The following PRPF18 variants were observed in gnomAD, a reference collection of about 807,000 sequenced individuals.
PRPF18 encodes the protein pre-mRNA-splicing factor 18.
Under a neutral mutation model 46.5 loss-of-function variants are expected in PRPF18, and 38 were observed. The observed-to-expected ratio is 0.82, with a 90% CI of 0.63 to 1.07. PRPF18 has a LOEUF of 1.07. Ranked by LOEUF, PRPF18 falls within the 50% of genes least tolerant of loss-of-function variation. PRPF18 has a pLI of 0.00. For synonymous variants in PRPF18, 152 were observed against 146.7 expected (o/e 1.04, Z -0.26); for missense variants, 263 against 410.0 (o/e 0.64, Z 3.10).
At chr10:13,613,700 T>A in intron 6 of PRPF18, 41 bp from the exon 7 acceptor site, 1 of 1,594,396 alleles carries the variant, frequency 6.3e-7, no homozygotes, top group Non-Finnish European at 8.5e-7. Context: ...ACTGAACCAC[T>A]GGGTGGCATT....
At chr10:13,595,333 A>G (rs1239917380) in intron 1 of PRPF18, among the ~76,000 whole-genome samples, 1 of 152,268 alleles carries the variant, frequency 6.6e-6, no homozygotes, top group African/African-American at 2.4e-5. Flanking sequence ...AGACATGGTC[A>G]TCAAAGATAA....
At position 13,630,391 on chromosome 10, in the gene PRPF18, G is replaced by A; in HGVS notation, c.*51G>A. ...AATAAGAAACTTAGGGAAGCAGGCTGTGGACTTCTGGAATTACCAACAGGA... is the reference window on the plus strand; with the variant it reads ...AATAAGAAACTTAGGGAAGCAGGCTATGGACTTCTGGAATTACCAACAGGA... On this transcript the variant is annotated 3_prime_UTR_variant, in exon 10 of 10. Transcript: ENST00000378572. 1.4e-6 allele frequency: 2 copies of A among 1,435,982 alleles called. No homozygotes were observed. Among genetic ancestry groups the A allele is most frequent in the Non-Finnish European group, 1.9e-6 (2 of 1,028,942 alleles). The allele number at this position is 1,435,982 out of a possible 1,614,324, so 89.0% of individuals were successfully genotyped here. A position where few individuals can be genotyped will look rare whatever the true frequency, so the allele number is the denominator to read the frequency against.
the PRPF18 span, among the ~76,000 whole-genome samples, chr10:13,650,322 T>C: frequency 6.6e-6 from 1 of 152,198 alleles, no homozygotes; most frequent in Non-Finnish European, 1.5e-5. Flanking sequence ...GATGAGGCCC[T>C]CTAGAGGCAT....
At position 13,628,825 on chromosome 10, in the gene PRPF18, T is replaced by C. The variant is rs2080549180; in HGVS notation, c.949-1435T>C. 2.0e-5 allele frequency among the ~76,000 whole-genome samples: 3 copies of C among 152,240 alleles called. No individual in the cohort carries two copies. The South Asian group carries it at 6.2e-4, about 31-fold the overall frequency. On this transcript the variant is annotated intron_variant, in intron 9 of 9. Coordinates refer to ENST00000378572, the MANE Select transcript of PRPF18 (RefSeq NM_003675.4). Reference sequence around the variant, plus strand: ...ATGTGTGTGTTAATGAATTGCACAGTGAATAGGATTCATTGCTGGTTACAA... The same window carrying C: ...ATGTGTGTGTTAATGAATTGCACAGCGAATAGGATTCATTGCTGGTTACAA...
intron 1 of PRPF18, among the ~76,000 whole-genome samples, chr10:13,597,126 T>G (rs1336530033): frequency 6.6e-6 from 1 of 152,216 alleles, no homozygotes; most frequent in East Asian, 1.9e-4. Context: ...TGAATCCATT[T>G]GAAGAAATTA....
intron 4 of PRPF18, among the ~76,000 whole-genome samples, chr10:13,608,616 G>A (rs185234454): frequency 6.6e-6 from 1 of 152,240 alleles, no homozygotes; most frequent in African/African-American, 2.4e-5. Flanking sequence ...TCTTCTCTCG[G>A]AATCTATTTT....
At chr10:13,594,049 T>A (rs928215245) in intron 1 of PRPF18, among the ~76,000 whole-genome samples, 1 of 152,188 alleles carries the variant, frequency 6.6e-6, no homozygotes, top group African/African-American at 2.4e-5. Flanking sequence ...TGGTCTCAGG[T>A]CTCATTCTCA....
At chr10:13,650,701 A>G in the PRPF18 span, among the ~76,000 whole-genome samples, 875 of 152,220 alleles carry the variant, frequency 5.7e-3, 12 homozygotes, top group African/African-American at 0.019. Flanking sequence ...CAACTTTGCA[A>G]TATTGTCCTA....
At chr10:13,598,413 G>C (rs953422835) in intron 2 of PRPF18, among the ~76,000 whole-genome samples, 1 of 152,082 alleles carries the variant, frequency 6.6e-6, no homozygotes, top group Admixed American at 6.6e-5. Context: ...CATGTAATGG[G>C]GAAAGTTCTG....
the PRPF18 span, chr10:13,645,024 A>T: frequency 6.6e-6 from 1 of 151,740 alleles, no homozygotes; most frequent in South Asian, 2.1e-4. Flanking sequence ...GTCTAGAGAG[A>T]CTTGGTGGAG....
At chr10:13,599,057 T>G (rs993910078) in intron 2 of PRPF18, among the ~76,000 whole-genome samples, 1 of 152,234 alleles carries the variant, frequency 6.6e-6, no homozygotes, top group Non-Finnish European at 1.5e-5. Context: ...TATAATTAAA[T>G]GTGTTTTTAA....
chr10:13,591,836 C>G, intron 1 of PRPF18: 1 of 1,433,160 alleles, frequency 7.0e-7, no homozygotes, highest in Non-Finnish European at 9.4e-7. Flanking sequence ...TTCAGGAAGA[C>G]CGCCCTCTTG....
the PRPF18 span, chr10:13,642,970 G>A: frequency 6.6e-6 from 1 of 152,208 alleles, no homozygotes; most frequent in Admixed American, 6.5e-5. Flanking sequence ...GGATGCTATT[G>A]GAGGCCAGAC....
the PRPF18 span, chr10:13,651,297 G>A: frequency 2.6e-5 from 4 of 152,444 alleles, no homozygotes; most frequent in African/African-American, 9.7e-5. Context: ...AGAATGCTGG[G>A]GGTGCTTCTG....
chr10:13,595,847 A>G (rs2080028293), intron 1 of PRPF18, among the ~76,000 whole-genome samples: 1 of 152,222 alleles, frequency 6.6e-6, no homozygotes, highest in South Asian at 2.1e-4. Flanking sequence ...AGTTTTAAAC[A>G]TAATACAAAA....
chr10:13,604,947 A>C (rs2080163294), intron 3 of PRPF18, among the ~76,000 whole-genome samples: 1 of 152,214 alleles, frequency 6.6e-6, no homozygotes, highest in Non-Finnish European at 1.5e-5. Context: ...TCTTACAAAA[A>C]AGAATTTTTT....
chr10:13,628,215 A>G (rs977320754), intron 9 of PRPF18, among the ~76,000 whole-genome samples: 2 of 152,214 alleles, frequency 1.3e-5, no homozygotes, highest in African/African-American at 4.8e-5. Context: ...CCACACCCCT[A>G]ATTCCTAAAT....
At chr10:13,653,142 G>A in the PRPF18 span, 5 of 151,908 alleles carry the variant, frequency 3.3e-5, no homozygotes, top group African/African-American at 4.8e-5. Flanking sequence ...TACACAGCAA[G>A]CACTCAGTAA....
At position 13,625,210 on chromosome 10, in the gene PRPF18, C is replaced by CAGG. The variant is rs1474585513; in HGVS notation, c.949-5046_949-5044dup. On this transcript the variant is annotated intron_variant, in intron 9 of 9. Transcript: ENST00000378572. ...CTGGACGTGGTGGTGCATGCCTATT[C>CAGG]AGGAGGCTGAGGTAGGAGGATTGCT... Among the ~76,000 whole-genome samples the CAGG allele has an allele frequency of 5.3e-5, 8 of 152,036 alleles. No homozygotes were observed. The East Asian group carries it at 1.4e-3, about 26-fold the overall frequency.
Sources: gnomAD v4.1 joint callset for allele counts (sites outside exome capture counted in the v4.1 genomes callset) on GRCh38, gnomAD v4.1.1 for gene constraint, MANE v1.5 for transcripts, NCBI Gene and HGNC (gene_info 2026-07-23, HGNC 2026-07-21) for gene names.